The following RAP1GDS1 variants were observed in gnomAD, a reference collection of about 807,000 sequenced individuals.
RAP1GDS1 encodes RAP1, GTP-GDP dissociation stimulator 1.
In RAP1GDS1, 35 loss-of-function variants were observed where a neutral mutation model predicts 71.1. That is an observed-to-expected ratio of 0.49 (90% CI 0.38 to 0.65). The LOEUF (loss-of-function observed/expected upper bound fraction) is 0.65. RAP1GDS1 is among the 30% of genes least tolerant of loss of function. RAP1GDS1 has a pLI of 0.00. For synonymous variants in RAP1GDS1, 229 were observed against 243.1 expected (o/e 0.94, Z 0.54); for missense variants, 663 against 706.1 (o/e 0.94, Z 0.69).
intron 4 of RAP1GDS1, among the ~76,000 whole-genome samples, chr4:98,370,595 G>A (rs932114592): frequency 2.8e-5 from 4 of 144,084 alleles, no homozygotes; most frequent in African/African-American, 5.2e-5. Context: ...ACAGAGTCTC[G>A]CTCTGTCACC....
intron 1 of RAP1GDS1, among the ~76,000 whole-genome samples, chr4:98,289,344 A>G (rs1163864489): frequency 6.6e-6 from 1 of 152,140 alleles, no homozygotes; most frequent in Non-Finnish European, 1.5e-5. Flanking sequence ...GACTTCGCCA[A>G]GTAAGTAGCC....
At chr4:98,282,637 TTA>T (rs1224547713) in intron 1 of RAP1GDS1, among the ~76,000 whole-genome samples, 1 of 151,936 alleles carries the variant, frequency 6.6e-6, no homozygotes, top group Non-Finnish European at 1.5e-5. Context: ...TGCTCTGATC[TTA>T]GTTATCTCTT....
At chr4:98,432,982 T>C (rs1345145831) in intron 12 of RAP1GDS1, among the ~76,000 whole-genome samples, 1 of 152,090 alleles carries the variant, frequency 6.6e-6, no homozygotes, top group Non-Finnish European at 1.5e-5. Context: ...ATGAGATATA[T>C]ACTTACATCA....
chr4:98,310,702 T>C (rs1374936814), intron 2 of RAP1GDS1, among the ~76,000 whole-genome samples: 1 of 152,134 alleles, frequency 6.6e-6, no homozygotes, highest in East Asian at 1.9e-4. Flanking sequence ...TAACAAGTTC[T>C]AGATGTATGC....
chr4:98,359,616 A>G (rs537781103), intron 4 of RAP1GDS1, among the ~76,000 whole-genome samples: 26 of 152,312 alleles, frequency 1.7e-4, no homozygotes, highest in Middle Eastern at 3.4e-3. Flanking sequence ...CCAAATAGTA[A>G]TATAGGTATG....
At chr4:98,306,611 A>T (rs181029734) in intron 2 of RAP1GDS1, among the ~76,000 whole-genome samples, 1 of 152,344 alleles carries the variant, frequency 6.6e-6, no homozygotes, top group East Asian at 1.9e-4. Context: ...ATGAATTGGA[A>T]ATGAATTAAT....
chr4:98,298,177 T>C (rs1728058459), intron 2 of RAP1GDS1, among the ~76,000 whole-genome samples: 2 of 152,136 alleles, frequency 1.3e-5, no homozygotes, highest in Admixed American at 6.6e-5. Flanking sequence ...TCATGAGGTT[T>C]AAGGAAAGAA....
At chr4:98,339,884 A>G (rs750331550) in intron 2 of RAP1GDS1, among the ~76,000 whole-genome samples, 1 of 152,200 alleles carries the variant, frequency 6.6e-6, no homozygotes, top group African/African-American at 2.4e-5. Flanking sequence ...TAGTTCAGCC[A>G]TTGTGGAAAT....
chr4:98,308,689 AG>A (rs1194749347), intron 2 of RAP1GDS1, among the ~76,000 whole-genome samples: 2 of 152,130 alleles, frequency 1.3e-5, no homozygotes, highest in Non-Finnish European at 2.9e-5. Flanking sequence ...AAGGTCATGC[AG>A]TATACTAGTG....
intron 12 of RAP1GDS1, among the ~76,000 whole-genome samples, chr4:98,430,014 A>G (rs957409336): frequency 2.6e-5 from 4 of 152,138 alleles, no homozygotes; most frequent in Non-Finnish European, 4.4e-5. Context: ...CTTAAATGCT[A>G]TAATATTTAA....
At chr4:98,392,336 T>TAAC in intron 6 of RAP1GDS1, 1 of 286,226 alleles carries the variant, frequency 3.5e-6, no homozygotes. Flanking sequence ...GTACATTATG[T>TAAC]AACAGAGTTG....
At chr4:98,359,101 C>T (rs1473382730) in intron 4 of RAP1GDS1, among the ~76,000 whole-genome samples, 1 of 151,842 alleles carries the variant, frequency 6.6e-6, no homozygotes, top group Non-Finnish European at 1.5e-5. Flanking sequence ...TGAGTTTGTG[C>T]AATTAATGTG....
chr4:98,370,211 A>G (rs1740165261), intron 4 of RAP1GDS1, among the ~76,000 whole-genome samples: 1 of 152,236 alleles, frequency 6.6e-6, no homozygotes, highest in African/African-American at 2.4e-5. Context: ...GAGGGAGAGA[A>G]TGCTAATTTA....
chr4:98,279,674 TA>T (rs1296779713), intron 1 of RAP1GDS1, among the ~76,000 whole-genome samples: 1 of 152,196 alleles, frequency 6.6e-6, no homozygotes, highest in African/African-American at 2.4e-5. Context: ...GTTTGTTACA[TA>T]AGTATATATG....
At chr4:98,343,034 T>C in intron 2 of RAP1GDS1, 105 bp from the exon 3 acceptor site, 1 of 1,240,998 alleles carries the variant, frequency 8.1e-7, no homozygotes, top group Non-Finnish European at 1.1e-6. Context: ...GAAACTAATT[T>C]CTATTATGGG....
chr4:98,295,422 A>T (rs185885412), intron 2 of RAP1GDS1, among the ~76,000 whole-genome samples: 15 of 152,266 alleles, frequency 9.9e-5, no homozygotes, highest in African/African-American at 3.6e-4. Context: ...ACAAAGAAGA[A>T]TTGGAAAAAG....
At chr4:98,303,558 T>C (rs1728873805) in intron 2 of RAP1GDS1, among the ~76,000 whole-genome samples, 1 of 150,344 alleles carries the variant, frequency 6.7e-6, no homozygotes, top group Non-Finnish European at 1.5e-5. Flanking sequence ...AAAGTGCTTA[T>C]AAGACTTGGG....
At chr4:98,389,814 T>A (rs1743333248) in intron 5 of RAP1GDS1, among the ~76,000 whole-genome samples, 1 of 152,198 alleles carries the variant, frequency 6.6e-6, no homozygotes, top group Non-Finnish European at 1.5e-5. Context: ...TAGCAGAACA[T>A]GAAGAGCATT....
intron 4 of RAP1GDS1, among the ~76,000 whole-genome samples, chr4:98,353,194 C>A (rs1376522840): frequency 3.3e-5 from 5 of 152,148 alleles, no homozygotes; most frequent in Non-Finnish European, 7.4e-5. Context: ...TTAACAATTT[C>A]TACTTCCCCT....
Sources: gnomAD v4.1 joint callset for allele counts (sites outside exome capture counted in the v4.1 genomes callset) on GRCh38, gnomAD v4.1.1 for gene constraint, MANE v1.5 for transcripts, NCBI Gene and HGNC (gene_info 2026-07-23, HGNC 2026-07-21) for gene names.